ARHGAP32: variants seen among roughly 807,000 people sequenced by gnomAD.
ARHGAP32 encodes the protein Rho GTPase activating protein 32, also known as rho GTPase-activating protein 32.
ARHGAP32 carries 51 observed loss-of-function variants against 186.5 expected under a neutral mutation model. That is an observed-to-expected ratio of 0.27 (90% CI 0.22 to 0.35). The LOEUF is 0.35. Among genes scored for constraint, ARHGAP32 ranks in the 10% least tolerant of loss-of-function variants. ARHGAP32 has a pLI of 1.00. For missense variants in ARHGAP32, 2,186 were observed against 2,623.5 expected (o/e 0.83, Z 3.64); for synonymous variants, 950 against 964.3 (o/e 0.99, Z 0.27).
intron 2 of ARHGAP32, among the ~76,000 whole-genome samples, chr11:129,136,299 A>T (rs993057337): frequency 2.0e-5 from 3 of 152,190 alleles, no homozygotes; most frequent in Admixed American, 2.0e-4. Context: ...AAAACTACAT[A>T]TTGCAGGATT....
chr11:128,987,563 C>T (rs1945910491), intron 13 of ARHGAP32, among the ~76,000 whole-genome samples: 2 of 152,124 alleles, frequency 1.3e-5, no homozygotes, highest in African/African-American at 4.8e-5. Flanking sequence ...ATTGCAGGCA[C>T]AGAGTTTGTC....
At chr11:129,049,507 A>G (rs969198631) in intron 10 of ARHGAP32, among the ~76,000 whole-genome samples, 2 of 152,170 alleles carry the variant, frequency 1.3e-5, no homozygotes, top group Admixed American at 1.3e-4. Flanking sequence ...AAGTTTCCTT[A>G]TATCTCTTTG....
chr11:129,037,142 T>C (rs1243312346), intron 11 of ARHGAP32, among the ~76,000 whole-genome samples: 2 of 152,170 alleles, frequency 1.3e-5, no homozygotes, highest in Non-Finnish European at 1.5e-5. Context: ...ATAAAGAAAT[T>C]CAACAAAAGA....
At chr11:128,981,133 AT>A (rs1196529657) in intron 17 of ARHGAP32, among the ~76,000 whole-genome samples, 2 of 152,158 alleles carry the variant, frequency 1.3e-5, no homozygotes, top group Non-Finnish European at 2.9e-5. Flanking sequence ...TTTGGAAGCA[AT>A]TTTTCTTCTT....
At chr11:129,145,264 T>C (rs1312055474) in intron 2 of ARHGAP32, among the ~76,000 whole-genome samples, 1 of 152,092 alleles carries the variant, frequency 6.6e-6, no homozygotes, top group Non-Finnish European at 1.5e-5. Flanking sequence ...CTTTCTACAC[T>C]TGAATTCTGT....
intron 6 of ARHGAP32, among the ~76,000 whole-genome samples, chr11:129,080,782 G>GA (rs1157501407): frequency 4.7e-5 from 7 of 147,710 alleles, no homozygotes; most frequent in South Asian, 2.1e-4. Flanking sequence ...ATTGAAACAA[G>GA]AAAAAAAAAT....
chr11:129,076,938 C>A (rs670762), intron 6 of ARHGAP32, among the ~76,000 whole-genome samples: 19,440 of 152,200 alleles, frequency 0.13, 1,376 homozygotes, highest in Non-Finnish European at 0.15. Context: ...GTGAGTGCCC[C>A]AAGTGTGAAA....
At chr11:129,155,400 C>T (rs1373120012) in intron 2 of ARHGAP32, among the ~76,000 whole-genome samples, 1 of 152,114 alleles carries the variant, frequency 6.6e-6, no homozygotes, top group Non-Finnish European at 1.5e-5. Context: ...AATTAGATCA[C>T]AAAACATTGT....
intron 11 of ARHGAP32, among the ~76,000 whole-genome samples, chr11:129,017,929 T>A (rs1436798997): frequency 6.6e-6 from 1 of 152,172 alleles, no homozygotes; most frequent in Non-Finnish European, 1.5e-5. Context: ...TTTCTCTCCA[T>A]CTATTAAGCT....
chr11:129,166,997 A>G (rs1943654089), intron 1 of ARHGAP32, among the ~76,000 whole-genome samples: 2 of 152,182 alleles, frequency 1.3e-5, no homozygotes, highest in Non-Finnish European at 2.9e-5. Flanking sequence ...TAAGTCAAAT[A>G]TATGTTGCAG....
intron 6 of ARHGAP32, among the ~76,000 whole-genome samples, chr11:129,085,087 A>C (rs1161248326): frequency 6.6e-6 from 1 of 151,962 alleles, no homozygotes; most frequent in Non-Finnish European, 1.5e-5. Context: ...GCAGTGGTAC[A>C]ATCATGCCTC....
At chr11:129,258,820 T>C (rs1249287018) in intron 1 of ARHGAP32, among the ~76,000 whole-genome samples, 1 of 133,398 alleles carries the variant, frequency 7.5e-6, no homozygotes, top group East Asian at 2.2e-4. Flanking sequence ...TAAATCAGTA[T>C]TTTAACACAT....
At chr11:129,049,140 G>A (rs753832915) in intron 10 of ARHGAP32, among the ~76,000 whole-genome samples, 3 of 152,076 alleles carry the variant, frequency 2.0e-5, no homozygotes, top group Admixed American at 6.6e-5. Flanking sequence ...AAAAGCATTC[G>A]CCTGTATACC....
chr11:129,241,510 T>C (rs1298350511), intron 1 of ARHGAP32, among the ~76,000 whole-genome samples: 1 of 151,808 alleles, frequency 6.6e-6, no homozygotes, highest in East Asian at 1.9e-4. Flanking sequence ...GCCGGGTGTG[T>C]TGGCGCACAT....
In ARHGAP32 at chr11:128,986,101, T is replaced by C; in HGVS notation, c.1444-16A>G. 1 of 1,589,266 alleles carries C rather than the reference T, an allele frequency of 6.3e-7. No individual in the cohort carries two copies. Among genetic ancestry groups the C allele is most frequent in the South Asian group, 1.1e-5 (1 of 87,388 alleles). ...AAACTGCATCCTAGAAGAGTCACAG[T>C]ACAAAATAAACTAGTGAGCTCTGTT... On this transcript the variant is annotated splice_polypyrimidine_tract_variant and intron_variant, in intron 14 of 22. Coordinates refer to ENST00000682385, the MANE Select transcript of ARHGAP32 (RefSeq NM_001378024.1).
intron 1 of ARHGAP32, among the ~76,000 whole-genome samples, chr11:129,250,050 C>CAA (rs35255123): frequency 5.7e-5 from 8 of 139,680 alleles, no homozygotes; most frequent in South Asian, 2.2e-4. Context: ...CTCATTTCTA[C>CAA]AAAAAAAAAA....
chr11:129,254,616 G>A (rs1479272092), intron 1 of ARHGAP32, among the ~76,000 whole-genome samples: 1 of 152,086 alleles, frequency 6.6e-6, no homozygotes. Flanking sequence ...GTCACACACA[G>A]ATAATTAATT....
Position 129,216,586 on chromosome 11 carries a change from G to A in ARHGAP32, c.-4-52159C>T, listed in dbSNP as rs1202877998. Among the ~76,000 whole-genome samples, 3 of 148,874 alleles carry A rather than the reference G, an allele frequency of 2.0e-5. No individual in the cohort carries two copies. The South Asian group carries it at 6.5e-4, about 32-fold the overall frequency. ...TACTTGGGAGTAAGGCAGGAAAATC[G>A]CTTGAACCCAGGAGGCAGAGGCTGC... On this transcript the variant is annotated intron_variant, in intron 1 of 6. Transcript: ENST00000525234.
intron 2 of ARHGAP32, among the ~76,000 whole-genome samples, chr11:129,136,779 T>TA (rs1296487852): frequency 6.6e-6 from 1 of 152,060 alleles, no homozygotes; most frequent in African/African-American, 2.4e-5. Flanking sequence ...AATTGTCTGA[T>TA]AAAACTCAAC....
Sources: gnomAD v4.1 joint callset for allele counts (sites outside exome capture counted in the v4.1 genomes callset) on GRCh38, gnomAD v4.1.1 for gene constraint, MANE v1.5 for transcripts, NCBI Gene and HGNC (gene_info 2026-07-23, HGNC 2026-07-21) for gene names.